The following RAB3B variants were observed in gnomAD, a reference collection of about 807,000 sequenced individuals.
The protein encoded by RAB3B is ras-related protein Rab-3B.
RAB3B carries 11 observed loss-of-function variants against 20.5 expected under a neutral mutation model. The observed-to-expected ratio is 0.54, with a 90% CI of 0.34 to 0.89. The LOEUF is 0.89. RAB3B is among the 40% of genes least tolerant of loss of function. The probability of loss-of-function intolerance (pLI) is 0.02; values close to 1 mark genes in which losing one functional copy is unlikely to be tolerated. For synonymous variants in RAB3B, 99 were observed against 106.3 expected, an observed-to-expected ratio of 0.93 and a Z score of 0.42; for missense variants, 225 against 280.9, an observed-to-expected ratio of 0.80 and a Z score of 1.42.
intron 2 of RAB3B, among the ~76,000 whole-genome samples, chr1:51,960,704 C>T (rs1168502353): frequency 6.6e-6 from 1 of 152,188 alleles, no homozygotes; most frequent in Non-Finnish European, 1.5e-5. Flanking sequence ...GGGCAGAGCA[C>T]TGCTGCTCTC....
At chr1:51,950,709 G>A (rs1571968250) in intron 2 of RAB3B, among the ~76,000 whole-genome samples, 1 of 152,156 alleles carries the variant, frequency 6.6e-6, no homozygotes, top group Non-Finnish European at 1.5e-5. Flanking sequence ...CATTCCTCCA[G>A]CCAGACTCCT....
chr1:51,988,411 C>T (rs769151572), intron 1 of RAB3B, among the ~76,000 whole-genome samples: 1 of 152,222 alleles, frequency 6.6e-6, no homozygotes, highest in Non-Finnish European at 1.5e-5. Context: ...TAGCATTCTA[C>T]AAGATGCTTT....
In RAB3B at chr1:51,914,113, G is replaced by T. The variant is rs1339457653; in HGVS notation, c.*5814C>A. The T allele has an allele frequency of 6.6e-6, 1 of 152,212 alleles. No individual in the cohort carries two copies. The highest frequency in any genetic ancestry group is 1.5e-5 in the Non-Finnish European group (1 of 68,034). The allele number at this position is 152,212 out of a possible 1,614,324, so 9.4% of individuals were successfully genotyped here. A position where few individuals can be genotyped will look rare whatever the true frequency, so the allele number is the denominator to read the frequency against. ...CATGTTTGTTGTTTTAAGCCTGTAA[G>T]TTTTGGAGTGGTTGGTTACGTCCTT... On this transcript the variant is annotated 3_prime_UTR_variant, in exon 5 of 5. Coordinates refer to ENST00000371655, the MANE Select transcript of RAB3B (RefSeq NM_002867.4).
rs183884609 is a variant in RAB3B, at chr1:51,925,946, C to T, written c.473-5832G>A. On this transcript the variant is annotated intron_variant, in intron 4 of 4. Coordinates refer to ENST00000371655, the MANE Select transcript of RAB3B (RefSeq NM_002867.4). Reference sequence around the variant, plus strand: ...GCTGGAACCATGAGAGCAGGAGTCACAGTAGAGGAGCAGCCCCTGCTGGGG... The same window carrying T: ...GCTGGAACCATGAGAGCAGGAGTCATAGTAGAGGAGCAGCCCCTGCTGGGG... Among the ~76,000 whole-genome samples, 264 of 152,346 alleles carry T rather than the reference C, an allele frequency of 1.7e-3. 4 individuals carry two copies. Among genetic ancestry groups the T allele is most frequent in the Admixed American group, 0.016 (240 of 15,306 alleles).
At position 51,933,372 on chromosome 1, in the gene RAB3B, C is replaced by G; in HGVS notation, c.418G>C (p.Glu140Gln). The G allele has an allele frequency of 6.2e-7, 1 of 1,613,986 alleles. No homozygotes were observed. Among genetic ancestry groups the G allele is most frequent in the Non-Finnish European group, 8.5e-7 (1 of 1,179,878 alleles). The part of the protein sequence containing the change: ...VILVGNKCDM[E>Q]EERVVPTEKG... ...TCAGTGGGAACAACCCTCTCTTCCT[C>G]CATGTCACACTTGTTCCCCACCAGA... The change falls in exon 4 of 5, where the codon GAG becomes CAG. Residue 140 changes from glutamate to glutamine, a missense_variant. By Grantham distance (29) the Glu-to-Gln change is conservative (BLOSUM62 2). Transcript: ENST00000371655.
At chr1:51,987,484 T>C (rs1189247315) in intron 1 of RAB3B, among the ~76,000 whole-genome samples, 3 of 152,148 alleles carry the variant, frequency 2.0e-5, no homozygotes, top group African/African-American at 7.2e-5. Context: ...CCTTATTTTG[T>C]TTGTTTGTTT....
intron 2 of RAB3B, among the ~76,000 whole-genome samples, chr1:51,962,221 G>A (rs1307973578): frequency 6.6e-6 from 1 of 152,196 alleles, no homozygotes; most frequent in Non-Finnish European, 1.5e-5. Flanking sequence ...TTAGTGTCAG[G>A]ATGAAATCAG....
chr1:51,937,235 C>G, intron 3 of RAB3B, 59 bp downstream of exon 3: 1 of 1,350,580 alleles, frequency 7.4e-7, no homozygotes, highest in South Asian at 1.2e-5. Flanking sequence ...CAGGACCTAG[C>G]ACATGTTAGG....
In RAB3B at chr1:51,989,257, T is replaced by TG. The variant is rs1557980860; in HGVS notation, c.-1+1294_-1+1295insC. 9.8e-5 allele frequency among the ~76,000 whole-genome samples: 14 copies of TG among 143,494 alleles called. No individual in the cohort carries two copies. In the East Asian group the frequency reaches 1.3e-3, roughly 13 times the overall value. 94.1% of individuals were successfully genotyped at this position (143,494 alleles called of 152,430 possible). A position where few individuals can be genotyped will look rare whatever the true frequency, so the allele number is the denominator to read the frequency against. ...GTGTGTGTGTGTGTGTGTGTGTGTG[T>TG]TTTGAGGGCCCATCTTTCTCCCACC... On this transcript the variant is annotated intron_variant, in intron 1 of 4. Coordinates refer to ENST00000371655, the MANE Select transcript of RAB3B (RefSeq NM_002867.4).
chr1:51,943,885 G>A (rs1477963986), intron 2 of RAB3B, among the ~76,000 whole-genome samples: 1 of 152,198 alleles, frequency 6.6e-6, no homozygotes, highest in East Asian at 1.9e-4. Context: ...AAAAGTGCAA[G>A]GTGAAGCAGC....
intron 2 of RAB3B, among the ~76,000 whole-genome samples, chr1:51,954,194 C>T (rs764416860): frequency 6.6e-6 from 1 of 152,156 alleles, no homozygotes; most frequent in African/African-American, 2.4e-5. Context: ...ACAAATATTG[C>T]TGGATGAATG....
At chr1:51,922,642 T>C (rs1470482408) in intron 4 of RAB3B, among the ~76,000 whole-genome samples, 1 of 152,040 alleles carries the variant, frequency 6.6e-6, no homozygotes, top group African/African-American at 2.4e-5. Flanking sequence ...TCTCTTTGTC[T>C]TCATCACTTA....
chr1:51,935,377 T>C (rs964518104), intron 3 of RAB3B, among the ~76,000 whole-genome samples: 3 of 152,156 alleles, frequency 2.0e-5, no homozygotes, highest in Non-Finnish European at 4.4e-5. Context: ...GGGGCTTGGA[T>C]GGCAGGTAGG....
intron 2 of RAB3B, among the ~76,000 whole-genome samples, chr1:51,954,222 CATCTTTT>C (rs1259750489): frequency 1.3e-5 from 2 of 152,130 alleles, no homozygotes; most frequent in African/African-American, 2.4e-5. Context: ...GGATATGGTT[CATCTTTT>C]GTATAAAGTA....
At chr1:51,989,024 A>C (rs1233326461) in intron 1 of RAB3B, among the ~76,000 whole-genome samples, 6 of 150,180 alleles carry the variant, frequency 4.0e-5, no homozygotes, top group Non-Finnish European at 8.9e-5. Context: ...TTCCACTTCT[A>C]TAGATAGGGC....
intron 1 of RAB3B, among the ~76,000 whole-genome samples, chr1:51,983,689 G>A (rs149927806): frequency 1.3e-5 from 2 of 152,090 alleles, no homozygotes; most frequent in African/African-American, 4.8e-5. Flanking sequence ...GCCAGGTGCC[G>A]TGGCTCAGGC....
At chr1:51,935,598 C>T (rs1239444497) in intron 3 of RAB3B, among the ~76,000 whole-genome samples, 2 of 152,104 alleles carry the variant, frequency 1.3e-5, no homozygotes, top group Non-Finnish European at 2.9e-5. Flanking sequence ...TTGGAGGAAT[C>T]GTCACCAGGT....
chr1:51,963,411 T>C (rs1684808656), intron 2 of RAB3B, among the ~76,000 whole-genome samples: 1 of 152,188 alleles, frequency 6.6e-6, no homozygotes, highest in South Asian at 2.1e-4. Flanking sequence ...TGCTTTGTTA[T>C]ACTCAGCAAA....
Position 51,915,231 on chromosome 1 carries a change from C to T in RAB3B, c.*4696G>A, listed in dbSNP as rs551955002. ...ACAGCATCTCCATTAGATCATAGGA[C>T]CTTGCAGGCAGGGATCATTTTTTTT... On this transcript the variant is annotated 3_prime_UTR_variant, in exon 5 of 5. Transcript: ENST00000371655. The T allele has an allele frequency of 3.3e-4, 50 of 152,094 alleles. No individual in the cohort carries two copies. Among genetic ancestry groups the T allele is most frequent in the Non-Finnish European group, 6.3e-4 (43 of 68,008 alleles). 9.4% of individuals were successfully genotyped at this position (152,094 alleles called of 1,614,324 possible).
Sources: allele counts gnomAD v4.1 joint callset (sites outside exome capture counted in the v4.1 genomes callset), GRCh38; gene constraint gnomAD v4.1.1; transcripts MANE v1.5; gene names NCBI Gene and HGNC (gene_info 2026-07-23, HGNC 2026-07-21).